The following COL25A1 variants were observed in gnomAD, a reference collection of about 807,000 sequenced individuals.
The protein encoded by COL25A1 is collagen alpha-1(XXV) chain.
A neutral mutation model predicts 128.4 loss-of-function variants in COL25A1; 103 were observed. That is an observed-to-expected ratio of 0.80 (90% CI 0.68 to 0.94). The LOEUF is 0.94. Among genes scored for constraint, COL25A1 ranks in the 40% least tolerant of loss-of-function variants. COL25A1 has a pLI of 0.00. For missense variants in COL25A1, 745 were observed against 840.0 expected (o/e 0.89, Z 1.40); for synonymous variants, 279 against 277.2 (o/e 1.01, Z -0.06).
At chr4:108,850,704 G>C (rs1432508734) in intron 26 of COL25A1, among the ~76,000 whole-genome samples, 1 of 152,046 alleles carries the variant, frequency 6.6e-6, no homozygotes, top group Non-Finnish European at 1.5e-5. Flanking sequence ...TAGGCCATAA[G>C]CCCTTTATTG....
intron 8 of COL25A1, among the ~76,000 whole-genome samples, chr4:108,963,508 C>T (rs1750960509): frequency 1.3e-5 from 2 of 152,160 alleles, no homozygotes; most frequent in South Asian, 2.1e-4. Flanking sequence ...AAGTCATCAA[C>T]CCCAAATCGA....
intron 3 of COL25A1, among the ~76,000 whole-genome samples, chr4:109,222,960 G>A (rs1373712695): frequency 1.3e-5 from 2 of 152,140 alleles, no homozygotes; most frequent in Non-Finnish European, 2.9e-5. Flanking sequence ...GAGTGGTTAT[G>A]GGTGTATAAA....
intron 3 of COL25A1, among the ~76,000 whole-genome samples, chr4:109,208,950 A>T (rs2126192973): frequency 6.6e-6 from 1 of 152,318 alleles, no homozygotes; most frequent in South Asian, 2.1e-4. Context: ...GAAAATAGGG[A>T]GTATATAATA....
intron 3 of COL25A1, among the ~76,000 whole-genome samples, chr4:109,085,835 A>G (rs948443026): frequency 6.6e-6 from 1 of 152,226 alleles, no homozygotes; most frequent in Non-Finnish European, 1.5e-5. Context: ...TGCTCAATAA[A>G]TATTTGTTAA....
chr4:108,824,089 G>A, intron 35 of COL25A1, 85 bp downstream of exon 35: 1 of 1,613,772 alleles, frequency 6.2e-7, no homozygotes, highest in Non-Finnish European at 8.5e-7. Flanking sequence ...AAGATTAAGT[G>A]TCAAATGGAA....
chr4:109,070,302 A>G (rs957958866), intron 3 of COL25A1, among the ~76,000 whole-genome samples: 1 of 151,850 alleles, frequency 6.6e-6, no homozygotes, highest in African/African-American at 2.4e-5. Context: ...GTTTGGCACC[A>G]GTGTACTTTT....
intron 3 of COL25A1, among the ~76,000 whole-genome samples, chr4:109,085,838 T>A (rs976193136): frequency 1.3e-5 from 2 of 152,208 alleles, no homozygotes; most frequent in Non-Finnish European, 2.9e-5. Flanking sequence ...TCAATAAATA[T>A]TTGTTAAAAG....
chr4:109,106,867 A>G (rs1426860120), intron 3 of COL25A1, among the ~76,000 whole-genome samples: 1 of 152,160 alleles, frequency 6.6e-6, no homozygotes, highest in Admixed American at 6.6e-5. Context: ...TCCCAAGCTC[A>G]AGTGATCCTC....
chr4:109,128,957 GA>G (rs543458917), intron 3 of COL25A1, among the ~76,000 whole-genome samples: 1 of 152,294 alleles, frequency 6.6e-6, no homozygotes, highest in South Asian at 2.1e-4. Context: ...TTTCTGAACT[GA>G]AGAGATTTTA....
At chr4:109,116,071 G>A (rs1767524997) in intron 3 of COL25A1, among the ~76,000 whole-genome samples, 1 of 152,032 alleles carries the variant, frequency 6.6e-6, no homozygotes, top group African/African-American at 2.4e-5. Flanking sequence ...CCAGTGCCAG[G>A]ATAGGAAAAC....
chr4:108,892,583 A>G (rs1445313766), intron 16 of COL25A1, among the ~76,000 whole-genome samples: 1 of 152,182 alleles, frequency 6.6e-6, no homozygotes, highest in Admixed American at 6.5e-5. Flanking sequence ...TACAATGATC[A>G]TTTTCTAATA....
At chr4:109,274,625 A>G (rs1235521562) in intron 3 of COL25A1, among the ~76,000 whole-genome samples, 3 of 152,234 alleles carry the variant, frequency 2.0e-5, no homozygotes, top group Non-Finnish European at 2.9e-5. Flanking sequence ...GTTAAAACAA[A>G]TAATTTAAGA....
At chr4:109,204,141 A>G (rs992420061) in intron 3 of COL25A1, among the ~76,000 whole-genome samples, 2 of 152,182 alleles carry the variant, frequency 1.3e-5, no homozygotes, top group African/African-American at 4.8e-5. Context: ...TCTATAAAAC[A>G]GAAATTGAGG....
rs146847085 is a variant in COL25A1 at position 109,222,991 on chromosome 4, G to C, written c.367+77592C>G. Among the ~76,000 whole-genome samples, 5 of 152,260 alleles carry C rather than the reference G, an allele frequency of 3.3e-5. No individual in the cohort carries two copies. The East Asian group carries it at 9.6e-4, about 29-fold the overall frequency. ...ATAAACATTTTGTATTCAGAGACCT[G>C]AACAGAATCACAGAAGCTGATCCTC... On this transcript the variant is annotated intron_variant, in intron 3 of 37. Coordinates refer to ENST00000399132, the MANE Select transcript of COL25A1 (RefSeq NM_198721.4).
chr4:108,819,208 C>T (rs374473952), intron 36 of COL25A1, 44 bp downstream of exon 36: 3 of 1,444,016 alleles, frequency 2.1e-6, no homozygotes, highest in Non-Finnish European at 2.9e-6. Flanking sequence ...ATGTGATAAA[C>T]AAAGGAACTG....
chr4:108,863,245 G>T, intron 21 of COL25A1, 74 bp downstream of exon 21: 1 of 1,399,660 alleles, frequency 7.1e-7, no homozygotes, highest in Non-Finnish European at 1.0e-6. Context: ...TGTTAAGAAT[G>T]TTGTTTTAGT....
intron 11 of COL25A1, among the ~76,000 whole-genome samples, chr4:108,935,900 A>G (rs564899077): frequency 2.0e-5 from 3 of 152,138 alleles, no homozygotes; most frequent in Non-Finnish European, 4.4e-5. Context: ...GTATATTAGG[A>G]TGCTGTGTTG....
chr4:109,142,886 T>C (rs190475589), intron 3 of COL25A1, among the ~76,000 whole-genome samples: 199 of 152,326 alleles, frequency 1.3e-3, no homozygotes, highest in African/African-American at 4.5e-3. Flanking sequence ...TGTCTTTTCA[T>C]TGGGGCATAT....
At chr4:109,173,244 T>G (rs562924935) in intron 3 of COL25A1, among the ~76,000 whole-genome samples, 1 of 151,766 alleles carries the variant, frequency 6.6e-6, no homozygotes, top group South Asian at 2.1e-4. Context: ...CACCACCACA[T>G]CCAGCTAATT....
Sources: gnomAD v4.1 joint callset for allele counts (sites outside exome capture counted in the v4.1 genomes callset) on GRCh38, gnomAD v4.1.1 for gene constraint, MANE v1.5 for transcripts, NCBI Gene and HGNC (gene_info 2026-07-23, HGNC 2026-07-21) for gene names.